Variants in MYH11 observed in about 807,000 individuals in gnomAD.
MYH11 encodes myosin heavy chain 11, also known as myosin-11.
Under a neutral mutation model 246.6 loss-of-function variants are expected in MYH11, and 80 were observed. That is an observed-to-expected ratio of 0.32 (90% CI 0.27 to 0.39). The LOEUF (loss-of-function observed/expected upper bound fraction) is 0.39, where lower values mean the gene tolerates loss of function less well. Among genes scored for constraint, MYH11 ranks in the 10% least tolerant of loss-of-function variants. MYH11 has a pLI of 1.00. For missense variants in MYH11, 2,158 were observed against 2,546.8 expected, an observed-to-expected ratio of 0.85 and a Z score of 3.29; for synonymous variants, 1,071 against 1,015.5, an observed-to-expected ratio of 1.05 and a Z score of -1.04.
chr16:15,718,216 C>A (rs1388738315), intron 37 of MYH11, 99 bp downstream of exon 37: 1 of 1,585,118 alleles, frequency 6.3e-7, no homozygotes, highest in Non-Finnish European at 8.6e-7. Flanking sequence ...AATCCAGGGC[C>A]TGCACACAGG....
chr16:15,757,737 T>C (rs2041766426), intron 13 of MYH11, 90 bp downstream of exon 13: 3 of 1,522,298 alleles, frequency 2.0e-6, no homozygotes, highest in Non-Finnish European at 2.7e-6. Context: ...GCTATGTGCA[T>C]GGGGAGAGTG....
intron 5 of MYH11, chr16:15,786,299 T>C: frequency 2.3e-6 from 1 of 432,834 alleles, no homozygotes; most frequent in Non-Finnish European, 4.4e-6. Context: ...GGGAAGCCCC[T>C]CCAAGGAAGA....
chr16:15,742,653 C>T lies in MYH11; in HGVS notation c.2521-762G>A, dbSNP rs1041224501. 6.6e-5 allele frequency among the ~76,000 whole-genome samples: 10 copies of T among 152,132 alleles called. 1 individual carries two copies. The South Asian group carries it at 1.9e-3, about 28-fold the overall frequency. On this transcript the variant is annotated intron_variant, in intron 20 of 40. Coordinates refer to ENST00000300036, the MANE Select transcript of MYH11 (RefSeq NM_002474.3). Reference sequence around the variant, plus strand: ...GTCTGAGGCAGGAAGATCGCTTGAACCCTGCAGGCTGAGGCTGCAGTGAGC... The same window carrying T: ...GTCTGAGGCAGGAAGATCGCTTGAATCCTGCAGGCTGAGGCTGCAGTGAGC...
chr16:15,812,496 C>T (rs2043160733), intron 3 of MYH11, among the ~76,000 whole-genome samples: 3 of 121,368 alleles, frequency 2.5e-5, no homozygotes, highest in Non-Finnish European at 3.2e-5. Flanking sequence ...GCAGGAGGAT[C>T]ACTTGAGGCC....
chr16:15,779,927 C>A (rs941469566), intron 6 of MYH11, among the ~76,000 whole-genome samples: 1 of 152,200 alleles, frequency 6.6e-6, no homozygotes, highest in Non-Finnish European at 1.5e-5. Flanking sequence ...TGGACACAAT[C>A]CCCTAGGCTT....
intron 36 of MYH11, 181 bp from the exon 37 acceptor site, chr16:15,718,619 G>C: frequency 1.1e-6 from 1 of 919,384 alleles, no homozygotes; most frequent in Admixed American, 2.8e-5. Flanking sequence ...CCGGGACTCA[G>C]GCCGGGTCCG....
At chr16:15,793,520 T>A (rs538811642) in intron 4 of MYH11, among the ~76,000 whole-genome samples, 3 of 152,088 alleles carry the variant, frequency 2.0e-5, no homozygotes, top group South Asian at 2.1e-4. Context: ...CTCAAACTTC[T>A]GGCTTCCAGC....
intron 40 of MYH11, chr16:15,713,270 A>C (rs772635233): frequency 3.3e-5 from 5 of 151,894 alleles, no homozygotes; most frequent in Non-Finnish European, 7.4e-5. Flanking sequence ...ATAGAAGTGT[A>C]CAGAGGTGCA....
chr16:15,720,765 C>T (rs1437862254), intron 33 of MYH11, 74 bp downstream of exon 33: 57 of 1,488,018 alleles, frequency 3.8e-5, no homozygotes, highest in Non-Finnish European at 5.1e-5. Flanking sequence ...GTTTCCACAC[C>T]AACCATGAGA....
intron 27 of MYH11, among the ~76,000 whole-genome samples, chr16:15,731,329 T>C (rs994194259): frequency 2.6e-5 from 4 of 152,178 alleles, no homozygotes; most frequent in Non-Finnish European, 1.5e-5. Flanking sequence ...AAATCATGGC[T>C]CTGTCACTTA....
chr16:15,852,986 A>G (rs1006605380), intron 1 of MYH11, among the ~76,000 whole-genome samples: 2 of 152,172 alleles, frequency 1.3e-5, no homozygotes, highest in Non-Finnish European at 2.9e-5. Flanking sequence ...TCACTGCTTC[A>G]TCCCTTGAGC....
chr16:15,731,828 C>T (rs531710032), intron 27 of MYH11, among the ~76,000 whole-genome samples: 2 of 151,922 alleles, frequency 1.3e-5, no homozygotes, highest in Non-Finnish European at 2.9e-5. Flanking sequence ...CTCACTGTGT[C>T]GTCCAGGCTA....
chr16:15,745,491 A>T (rs1021720440), intron 19 of MYH11, among the ~76,000 whole-genome samples: 1 of 152,114 alleles, frequency 6.6e-6, no homozygotes, highest in African/African-American at 2.4e-5. Flanking sequence ...CTGAGATCCA[A>T]ACACCACTCA....
At chr16:15,811,214 C>T (rs895657479) in intron 3 of MYH11, among the ~76,000 whole-genome samples, 1 of 152,124 alleles carries the variant, frequency 6.6e-6, no homozygotes. Context: ...TCCAGAACCA[C>T]GAGAAACAAA....
At chr16:15,819,534 C>A (rs143323651) in intron 3 of MYH11, among the ~76,000 whole-genome samples, 22 of 152,260 alleles carry the variant, frequency 1.4e-4, no homozygotes, top group African/African-American at 5.1e-4. Context: ...TAAGAGGGAT[C>A]CAGGCTGTGT....
chr16:15,785,007 G>GTTTTTTTTTTT (rs1567759451), intron 5 of MYH11: 9 of 67,380 alleles, frequency 1.3e-4, no homozygotes, highest in Non-Finnish European at 1.7e-4. Flanking sequence ...TAATTCTCTT[G>GTTTTTTTTTTT]ATTTTTTTTT....
intron 2 of MYH11, among the ~76,000 whole-genome samples, chr16:15,830,231 A>G (rs1007155177): frequency 3.9e-5 from 6 of 152,130 alleles, no homozygotes; most frequent in Admixed American, 3.9e-4. Flanking sequence ...CTTCCTCAGT[A>G]AAGTGATGGA....
intron 3 of MYH11, among the ~76,000 whole-genome samples, chr16:15,816,664 C>G (rs1444275362): frequency 4.0e-5 from 6 of 151,766 alleles, no homozygotes; most frequent in Non-Finnish European, 8.8e-5. Context: ...GGGGCAAATC[C>G]AGAGGGTGAA....
intron 40 of MYH11, chr16:15,714,662 C>T (rs955066780): frequency 2.0e-5 from 12 of 593,186 alleles, no homozygotes; most frequent in African/African-American, 5.6e-5. Flanking sequence ...GCCGGAGGAC[C>T]GGATGGGAGA....
Sources: gnomAD v4.1 joint callset for allele counts (sites outside exome capture counted in the v4.1 genomes callset) on GRCh38, gnomAD v4.1.1 for gene constraint, MANE v1.5 for transcripts, NCBI Gene and HGNC (gene_info 2026-07-23, HGNC 2026-07-21) for gene names.